Variants in A2M observed in about 807,000 individuals in gnomAD.
A2M encodes the protein alpha-2-macroglobulin.
Under a neutral mutation model 183.9 loss-of-function variants are expected in A2M, and 128 were observed. The ratio of observed to expected loss-of-function variants is 0.70; its 90% CI spans 0.60 to 0.81. The LOEUF is 0.81. Among genes scored for constraint, A2M ranks in the 30% least tolerant of loss-of-function variants. A2M has a pLI of 0.00. For synonymous variants in A2M, 592 were observed against 670.8 expected (o/e 0.88, Z 1.81); for missense variants, 1,495 against 1,787.6 (o/e 0.84, Z 2.95).
At chr12:9,104,189 C>T (rs1426044815) in intron 11 of A2M, 50 bp downstream of exon 11, 1 of 1,572,794 alleles carries the variant, frequency 6.4e-7, no homozygotes, top group Non-Finnish European at 8.6e-7. Flanking sequence ...AGGTTGCAAC[C>T]TTGTTTCCAA....
At position 9,093,460 on chromosome 12, in the gene A2M, C is replaced by T; in HGVS notation, c.2240+5G>A. On this transcript the variant is annotated splice_donor_5th_base_variant and intron_variant, in intron 18 of 35. Coordinates refer to ENST00000318602, the MANE Select transcript of A2M (RefSeq NM_000014.6). The stretch of plus-strand genomic sequence containing the variant: ...TGCATATTGCATATGCAGGAAGTTA[C>T]TTACTTTACCACCACCAAATCCCAG... The T allele has an allele frequency of 2.5e-6, 4 of 1,607,958 alleles. No homozygotes were observed. Among genetic ancestry groups the T allele is most frequent in the Non-Finnish European group, 3.4e-6 (4 of 1,174,470 alleles).
chr12:9,111,283 T>C (rs1389046037), intron 4 of A2M, among the ~76,000 whole-genome samples: 1 of 152,166 alleles, frequency 6.6e-6, no homozygotes, highest in African/African-American at 2.4e-5. Context: ...GCTTATGTTA[T>C]AATAGAAATA....
At position 9,109,406 on chromosome 12, in the gene A2M, C is replaced by T; in HGVS notation, c.674-1G>A. On this transcript the variant is annotated splice_acceptor_variant, in intron 6 of 35. Transcript: ENST00000318602. LOFTEE classifies it high-confidence loss of function. ...ACTTGTACTTCAAACTTGGGAAGAACTGTTGATTGGTGATAAAGAAGGTTG... is the reference window on the plus strand; with the variant it reads ...ACTTGTACTTCAAACTTGGGAAGAATTGTTGATTGGTGATAAAGAAGGTTG... 1 of 1,610,424 alleles carries T rather than the reference C, an allele frequency of 6.2e-7. No individual in the cohort carries two copies. Among genetic ancestry groups the T allele is most frequent in the East Asian group, 2.2e-5 (1 of 44,824 alleles).
chr12:9,069,770 T>C lies in A2M; in HGVS notation c.4238A>G (p.Asn1413Ser), dbSNP rs759894055. Reference sequence around the variant, plus strand: ...CTTATCAAGGTAAATCAAGACATGGTTGCTGCTGACTTCTGTCCGGCTCAC... The same window carrying C: ...CTTATCAAGGTAAATCAAGACATGGCTGCTGCTGACTTCTGTCCGGCTCAC... Reference protein sequence around the residue: ...NHVSRTEVSSNHVLIYLDKVS... With the variant: ...NHVSRTEVSSSHVLIYLDKVS... The change falls in exon 33 of 36, where the codon AAC becomes AGC. Residue 1413 changes from asparagine to serine, a missense_variant. Transcript: ENST00000318602. 15 of 1,613,144 alleles carry C rather than the reference T, an allele frequency of 9.3e-6. No homozygotes were observed. The South Asian group carries it at 1.5e-4, about 17-fold the overall frequency.
At chr12:9,090,903 T>C (rs74660334) in intron 19 of A2M, among the ~76,000 whole-genome samples, 2 of 152,288 alleles carry the variant, frequency 1.3e-5, no homozygotes, top group African/African-American at 2.4e-5. Context: ...AAGTTAAATA[T>C]ATGAGATCGT....
At chr12:9,111,451 T>C (rs1265127239) in intron 4 of A2M, 1 of 451,722 alleles carries the variant, frequency 2.2e-6, no homozygotes, top group African/African-American at 2.0e-5. Context: ...ATTGTAATGA[T>C]CTTATTTAGA....
intron 6 of A2M, among the ~76,000 whole-genome samples, 191 bp downstream of exon 6, chr12:9,109,676 A>G (rs923152176): frequency 6.6e-6 from 1 of 152,204 alleles, no homozygotes; most frequent in Non-Finnish European, 1.5e-5. Context: ...TTGCTACAGA[A>G]AATAACGAAG....
intron 18 of A2M, among the ~76,000 whole-genome samples, chr12:9,092,605 C>G (rs226408): frequency 0.56 from 85,327 of 152,070 alleles, 25,568 homozygotes; most frequent in African/African-American, 0.76. Flanking sequence ...GCTTGTTTCA[C>G]GGATAAAACT....
At chr12:9,097,573 T>C in intron 15 of A2M, among the ~76,000 whole-genome samples, 1 of 151,978 alleles carries the variant, frequency 6.6e-6, no homozygotes, top group East Asian at 1.9e-4. Context: ...AGATAATACA[T>C]ATGTTCCCTC....
rs1948685319 is a variant in A2M at position 9,074,684 on chromosome 12, T to A, written c.3632A>T (p.Tyr1211Phe). ...GGCCGTGAGATAAGCGAGGAGCACA[T>A]AGGATGTCATCTCCACCTCAGCAGA... is the stretch of plus-strand genomic sequence containing the variant. ...APSAEVEMTS[Y>F]VLLAYLTAQP... The change falls in exon 29 of 36, where the codon TAT becomes TTT. Residue 1211 changes from tyrosine to phenylalanine, a missense_variant. Physicochemically the swap from Tyr to Phe is conservative, Grantham distance 22. Transcript: ENST00000318602. 6.2e-7 allele frequency: 1 copy of A among 1,613,806 alleles called. No homozygotes were observed. Among genetic ancestry groups the A allele is most frequent in the Non-Finnish European group, 8.5e-7 (1 of 1,179,946 alleles).
At chr12:9,077,491 G>T in intron 26 of A2M, 71 bp from the exon 27 acceptor site, 3 of 1,501,756 alleles carry the variant, frequency 2.0e-6, no homozygotes, top group African/African-American at 1.4e-5. Context: ...TTTCTATTCT[G>T]CTGTGTCATG....
chr12:9,100,840 G>C (rs1384487196), intron 13 of A2M, among the ~76,000 whole-genome samples: 2 of 152,152 alleles, frequency 1.3e-5, no homozygotes, highest in Non-Finnish European at 2.9e-5. Flanking sequence ...TAGGAAGTGG[G>C]AGCTAAGTTA....
intron 11 of A2M, among the ~76,000 whole-genome samples, chr12:9,103,163 A>G (rs1222811931): frequency 6.6e-6 from 1 of 152,224 alleles, no homozygotes; most frequent in Admixed American, 6.5e-5. Flanking sequence ...AATGCTAATT[A>G]TGTTAGAATT....
chr12:9,107,874 G>A (rs937464874), intron 7 of A2M, among the ~76,000 whole-genome samples: 2 of 146,724 alleles, frequency 1.4e-5, no homozygotes, highest in African/African-American at 2.5e-5. Context: ...TTTTTTCCTC[G>A]TTTTTTTTTA....
At chr12:9,069,308 T>C (rs777351622) in intron 33 of A2M, among the ~76,000 whole-genome samples, 1 of 152,234 alleles carries the variant, frequency 6.6e-6, no homozygotes, top group Non-Finnish European at 1.5e-5. Flanking sequence ...ATCTATAAAA[T>C]CAGATTGGTT....
At position 9,076,624 on chromosome 12, in the gene A2M, G is replaced by A. The variant is rs1948754315; in HGVS notation, c.3532+132C>T. ...CCTAGATTTTATAAGATGCAATATGGACAAAATATATATGATATATAGAAA... is the reference window on the plus strand; with the variant it reads ...CCTAGATTTTATAAGATGCAATATGAACAAAATATATATGATATATAGAAA... On this transcript the variant is annotated intron_variant, in intron 28 of 35. Transcript: ENST00000318602. 5 of 784,076 alleles carry A rather than the reference G, an allele frequency of 6.4e-6. No homozygotes were observed. The Admixed American group carries it at 1.4e-4, about 23-fold the overall frequency. The allele number at this position is 784,076 out of a possible 1,614,324, so 48.6% of individuals were successfully genotyped here.
At chr12:9,075,203 T>C (rs942452343) in intron 28 of A2M, among the ~76,000 whole-genome samples, 15 of 151,384 alleles carry the variant, frequency 9.9e-5, no homozygotes, top group Non-Finnish European at 2.1e-4. Flanking sequence ...ACTCATTAAA[T>C]TGAAAAAAAA....
upstream of A2M, chr12:9,116,214 C>G: frequency 3.2e-6 from 1 of 309,460 alleles, no homozygotes. Flanking sequence ...TATGGTGCTT[C>G]TCACATCTCT....
At chr12:9,094,935 T>C in intron 17 of A2M, 38 bp downstream of exon 17, 1 of 1,157,244 alleles carries the variant, frequency 8.6e-7, no homozygotes, top group Non-Finnish European at 1.2e-6. Context: ...ATTTGGTGAA[T>C]ATATTAGGCA....
Sources: gnomAD v4.1 joint callset for allele counts (sites outside exome capture counted in the v4.1 genomes callset) on GRCh38, gnomAD v4.1.1 for gene constraint, MANE v1.5 for transcripts, NCBI Gene and HGNC (gene_info 2026-07-23, HGNC 2026-07-21) for gene names.